DLG2: variants seen among roughly 807,000 people sequenced by gnomAD.
The protein encoded by DLG2 is disks large homolog 2.
Under a neutral mutation model 132.5 loss-of-function variants are expected in DLG2, and 45 were observed. That is an observed-to-expected ratio of 0.34 (90% CI 0.27 to 0.44). The LOEUF (loss-of-function observed/expected upper bound fraction) is 0.44. DLG2 is among the 20% of genes least tolerant of loss of function. The pLI is 1.00. For missense variants in DLG2, 1,045 were observed against 1,196.9 expected (o/e 0.87, Z 1.87); for synonymous variants, 424 against 419.6 (o/e 1.01, Z -0.13).
intron 27 of DLG2, chr11:83,461,534 A>G (rs564041531): frequency 6.5e-6 from 1 of 153,076 alleles, no homozygotes; most frequent in African/African-American, 2.4e-5. Flanking sequence ...AGTTTTAAGC[A>G]TCTTGTTCAG....
intron 19 of DLG2, among the ~76,000 whole-genome samples, chr11:83,580,634 A>G (rs1474233846): frequency 6.6e-6 from 1 of 152,238 alleles, no homozygotes; most frequent in Non-Finnish European, 1.5e-5. Flanking sequence ...AACACATTAC[A>G]TTGGGTGATA....
At chr11:84,615,544 A>G (rs1452195054) in intron 6 of DLG2, among the ~76,000 whole-genome samples, 5 of 152,002 alleles carry the variant, frequency 3.3e-5, no homozygotes, top group Non-Finnish European at 1.5e-5. Context: ...TAGTAAGTTA[A>G]CAATGATTGG....
intron 8 of DLG2, among the ~76,000 whole-genome samples, chr11:84,234,158 T>C (rs927116211): frequency 1.3e-5 from 2 of 152,094 alleles, no homozygotes; most frequent in Non-Finnish European, 2.9e-5. Flanking sequence ...GGAAGAATCA[T>C]GGGGGAAGAG....
chr11:85,008,913 G>A (rs1345549173), intron 6 of DLG2, among the ~76,000 whole-genome samples: 1 of 152,026 alleles, frequency 6.6e-6, no homozygotes. Flanking sequence ...CAAGTTCAGT[G>A]GTAGAAAATA....
At chr11:85,593,702 G>A (rs568494443) in intron 3 of DLG2, among the ~76,000 whole-genome samples, 1 of 152,052 alleles carries the variant, frequency 6.6e-6, no homozygotes, top group East Asian at 1.9e-4. Context: ...TACACATTAT[G>A]ATTAATAATT....
chr11:84,216,210 G>T (rs1441466286), intron 8 of DLG2, among the ~76,000 whole-genome samples: 1 of 151,990 alleles, frequency 6.6e-6, no homozygotes, highest in Admixed American at 6.6e-5. Flanking sequence ...AGCATCAGCA[G>T]GCCAGTCCTT....
rs147289641 is a variant in DLG2, at chr11:83,549,227, G to A, written c.1941-7369C>T. ...TGCTCCATCCCACTGTGCCTGGCTT[G>A]GACACATATGACCCATTTTCACATT... On this transcript the variant is annotated intron_variant, in intron 19 of 27. Transcript: ENST00000376104. Among the ~76,000 whole-genome samples, 611 of 152,098 alleles carry A rather than the reference G, an allele frequency of 4.0e-3. 5 individuals carry two copies. Among genetic ancestry groups the A allele is most frequent in the Non-Finnish European group, 5.8e-3 (393 of 67,990 alleles).
At chr11:84,524,514 A>G (rs762343757) in intron 7 of DLG2, among the ~76,000 whole-genome samples, 1 of 152,182 alleles carries the variant, frequency 6.6e-6, no homozygotes, top group Non-Finnish European at 1.5e-5. Context: ...CTGGAACACA[A>G]TGTGCTGTGC....
At chr11:84,869,178 T>C (rs1339634303) in intron 6 of DLG2, among the ~76,000 whole-genome samples, 2 of 152,224 alleles carry the variant, frequency 1.3e-5, no homozygotes, top group Non-Finnish European at 2.9e-5. Context: ...GAATTGAACA[T>C]ACAAGTCACT....
intron 7 of DLG2, among the ~76,000 whole-genome samples, chr11:84,399,767 A>G (rs1416101239): frequency 6.6e-6 from 1 of 152,156 alleles, no homozygotes. Flanking sequence ...AACATAAGAC[A>G]TTGGACTATT....
chr11:84,028,071 A>T (rs1007491840), intron 11 of DLG2, among the ~76,000 whole-genome samples: 2 of 151,962 alleles, frequency 1.3e-5, no homozygotes, highest in East Asian at 1.9e-4. Context: ...AAAAAACAAA[A>T]CACCTATCAC....
chr11:85,513,786 T>C (rs2094123587), intron 3 of DLG2, among the ~76,000 whole-genome samples: 1 of 151,998 alleles, frequency 6.6e-6, no homozygotes, highest in African/African-American at 2.4e-5. Context: ...ACAACACCTA[T>C]TTGATATGTC....
chr11:85,105,301 T>C (rs776209591), intron 6 of DLG2, among the ~76,000 whole-genome samples: 5 of 151,938 alleles, frequency 3.3e-5, no homozygotes, highest in Admixed American at 6.6e-5. Flanking sequence ...GTAACAAAAT[T>C]ATTTTATATG....
At chr11:83,920,127 G>A (rs1218838879) in intron 15 of DLG2, among the ~76,000 whole-genome samples, 4 of 152,074 alleles carry the variant, frequency 2.6e-5, no homozygotes, top group African/African-American at 9.7e-5. Flanking sequence ...GCTTAGTAGT[G>A]GCCCAGTGTA....
chr11:84,220,349 A>G (rs901685393), intron 8 of DLG2, among the ~76,000 whole-genome samples: 1 of 152,052 alleles, frequency 6.6e-6, no homozygotes, highest in African/African-American at 2.4e-5. Flanking sequence ...TATCTATAAT[A>G]CTCACTGCTT....
intron 6 of DLG2, among the ~76,000 whole-genome samples, chr11:84,779,829 A>G (rs975308945): frequency 6.6e-6 from 1 of 152,030 alleles, no homozygotes; most frequent in Non-Finnish European, 1.5e-5. Flanking sequence ...TGAGCCAGGA[A>G]GAAATAGAAA....
intron 7 of DLG2, among the ~76,000 whole-genome samples, chr11:84,381,811 T>C (rs964061047): frequency 6.6e-6 from 1 of 152,162 alleles, no homozygotes; most frequent in African/African-American, 2.4e-5. Context: ...TAACCAGATA[T>C]GGAAAAAGCA....
chr11:84,503,766 T>C (rs774570807), intron 7 of DLG2, among the ~76,000 whole-genome samples: 2 of 152,244 alleles, frequency 1.3e-5, no homozygotes, highest in Non-Finnish European at 2.9e-5. Flanking sequence ...AACCCAGACC[T>C]ACTCAAAAAC....
At chr11:85,007,198 A>G (rs1024247708) in intron 6 of DLG2, among the ~76,000 whole-genome samples, 1 of 72,594 alleles carries the variant, frequency 1.4e-5, no homozygotes, top group African/African-American at 1.0e-4. Flanking sequence ...AGCTAAGTAC[A>G]TAACTCTCAA....
Sources: gnomAD v4.1 joint callset for allele counts (sites outside exome capture counted in the v4.1 genomes callset) on GRCh38, gnomAD v4.1.1 for gene constraint, MANE v1.5 for transcripts, NCBI Gene and HGNC (gene_info 2026-07-23, HGNC 2026-07-21) for gene names.